ARHGEF10L: variants seen among roughly 807,000 people sequenced by gnomAD.
The protein encoded by ARHGEF10L is Rho guanine nucleotide exchange factor 10 like.
Under a neutral mutation model 141.2 loss-of-function variants are expected in ARHGEF10L, and 69 were observed. That is an observed-to-expected ratio of 0.49 (90% CI 0.40 to 0.60). ARHGEF10L has a LOEUF of 0.60. Among genes scored for constraint, ARHGEF10L ranks in the 20% least tolerant of loss-of-function variants. ARHGEF10L has a pLI of 0.00. For missense variants in ARHGEF10L, 1,482 were observed against 1,734.3 expected (o/e 0.85, Z 2.58); for synonymous variants, 711 against 718.5 (o/e 0.99, Z 0.17).
chr1:17,684,383 G>A (rs1319162050), intron 26 of ARHGEF10L, among the ~76,000 whole-genome samples: 2 of 152,218 alleles, frequency 1.3e-5, no homozygotes, highest in African/African-American at 2.4e-5. Flanking sequence ...GGGCTAGAGA[G>A]ATGGGGGCAT....
Position 17,648,466 on chromosome 1 carries a change from T to C in ARHGEF10L, c.2273-88T>C, listed in dbSNP as rs2061723946. 5.9e-6 allele frequency: 9 copies of C among 1,537,904 alleles called. No individual in the cohort carries two copies. In the South Asian group the frequency reaches 1.1e-4, roughly 19 times the overall value. On this transcript the variant is annotated intron_variant, in intron 21 of 28. Coordinates refer to ENST00000361221, the MANE Select transcript of ARHGEF10L (RefSeq NM_018125.4). ...GGGGCCAGGCTTCTGGGGCCTGCAG[T>C]GGCTCCCTGGGGCTTGGAGGGCTCC...
intron 6 of ARHGEF10L, among the ~76,000 whole-genome samples, chr1:17,606,334 C>T (rs1263309272): frequency 6.6e-6 from 1 of 151,640 alleles, no homozygotes; most frequent in Non-Finnish European, 1.5e-5. Context: ...CTCTCTGTCA[C>T]CCAGGCTGGA....
intron 25 of ARHGEF10L, among the ~76,000 whole-genome samples, chr1:17,657,088 C>T (rs773125115): frequency 3.3e-5 from 5 of 152,254 alleles, no homozygotes; most frequent in South Asian, 2.1e-4. Flanking sequence ...GGGCAGTGCC[C>T]ACCACTCATG....
intron 27 of ARHGEF10L, chr1:17,693,954 C>T (rs1281507547): frequency 6.6e-6 from 1 of 152,222 alleles, no homozygotes. Context: ...GAGGGTCTGT[C>T]CCTGAGCCGG....
rs1023193345 is a variant in ARHGEF10L at position 17,587,489 on chromosome 1, C to T, written c.67C>T (p.Pro23Ser). Residue 23 changes from proline (P) to serine (S), a missense_variant, in exon 3 of 29, where the codon CCC becomes TCC. Pro to Ser is a moderately conservative substitution (Grantham distance 74, BLOSUM62 -1). Transcript: ENST00000361221. ...GDQLVPGVPG[P>S]SSEAEDDPGE... ...TCAGCTGGTTCCAGGAGTCCCAGGC[C>T]CCTCCTCTGAGGCAGAGGACGACCC... is the stretch of plus-strand genomic sequence containing the variant. 2.5e-6 allele frequency: 4 copies of T among 1,613,988 alleles called. No individual in the cohort carries two copies. The highest frequency in any genetic ancestry group is 1.1e-5 in the South Asian group (1 of 91,054).
At chr1:17,674,059 C>T (rs1558001280) in intron 26 of ARHGEF10L, among the ~76,000 whole-genome samples, 2 of 152,244 alleles carry the variant, frequency 1.3e-5, no homozygotes, top group Non-Finnish European at 2.9e-5. Context: ...ATCCTCCCTC[C>T]AGATGGCAAA....
the ARHGEF10L span, among the ~76,000 whole-genome samples, chr1:17,519,166 A>G: frequency 2.0e-5 from 3 of 149,616 alleles, no homozygotes; most frequent in Non-Finnish European, 4.5e-5. Flanking sequence ...CAAGAGTGAA[A>G]CTCTGTCTAA....
chr1:17,689,758 G>A (rs776042662), intron 27 of ARHGEF10L: 207 of 455,152 alleles, frequency 4.5e-4, no homozygotes, highest in Admixed American at 1.7e-3. Flanking sequence ...TCAAGTTAGT[G>A]GAACAATGAA....
rs2080892426 is a variant in ARHGEF10L, at chr1:17,603,520, C to T, written c.362C>T (p.Thr121Ile). The T allele has an allele frequency of 1.2e-6, 2 of 1,613,662 alleles. No individual in the cohort carries two copies. Among genetic ancestry groups the T allele is most frequent in the South Asian group, 1.1e-5 (1 of 90,912 alleles). Residue 121 changes from threonine to isoleucine, a missense_variant, in exon 6 of 29, where the codon ACT becomes ATT. Physicochemically the swap from Thr to Ile is moderately conservative, Grantham distance 89 (BLOSUM62 -1). Transcript: ENST00000361221. The surrounding 1 kb of genome is among the most constrained non-coding windows in gnomAD (Gnocchi z 4.8). ...RKSSRRIDRF[T>I]FPALEEDVIY... ...ACTTCCCTCCCAGTTGACCGGTTCA[C>T]TTTCCCCGCCCTGGAAGAGGATGTG...
chr1:17,522,243 G>C, the ARHGEF10L span, among the ~76,000 whole-genome samples: 2 of 152,196 alleles, frequency 1.3e-5, no homozygotes. Context: ...ACCCCACCTT[G>C]CCCGTCTATT....
rs2065422887 is a variant in ARHGEF10L, at chr1:17,695,373, G to A, written c.3307+93G>A. The A allele has an allele frequency of 1.8e-5, 27 of 1,463,958 alleles. 1 individual carries two copies. The highest frequency in any genetic ancestry group is 1.4e-4 in the South Asian group (10 of 71,594). The allele number at this position is 1,463,958 out of a possible 1,614,324, so 90.7% of individuals were successfully genotyped here. Reference sequence around the variant, plus strand: ...GGGGAGGGTGTATTATGCCCTCATTGGTATAGGGATGGGGTTCCAGTCTCC... The same window carrying A: ...GGGGAGGGTGTATTATGCCCTCATTAGTATAGGGATGGGGTTCCAGTCTCC... On this transcript the variant is annotated intron_variant, in intron 28 of 28. Transcript: ENST00000361221.
In ARHGEF10L at chr1:17,687,582, G is replaced by A. The variant is rs1238254004; in HGVS notation, c.3019G>A (p.Glu1007Lys). The A allele has an allele frequency of 8.7e-6, 14 of 1,612,988 alleles. No individual in the cohort carries two copies. Among genetic ancestry groups the A allele is most frequent in the South Asian group, 2.2e-5 (2 of 91,076 alleles). ...TCCCTTTGTGCCACAGCAAAGCTTC[G>A]AGGCGCACCAGGACGAGGCAGTGAG... ...ATTLQPQQSF[E>K]AHQDEAVSVT... The change falls in exon 27 of 29, where the codon GAG becomes AAG. Residue 1007 changes from glutamate to lysine, a missense_variant. Glu to Lys is a moderately conservative substitution (Grantham distance 56). This residue lies in a region of ARHGEF10L where 858 missense variants were observed against 966.3 expected (regional missense o/e 0.89). Coordinates refer to ENST00000361221, the MANE Select transcript of ARHGEF10L (RefSeq NM_018125.4).
In ARHGEF10L at chr1:17,616,096, G is replaced by T; in HGVS notation, c.729G>T (p.Met243Ile). The T allele has an allele frequency of 6.2e-7, 1 of 1,613,570 alleles. No homozygotes were observed. Among genetic ancestry groups the T allele is most frequent in the South Asian group, 1.1e-5 (1 of 91,072 alleles). The change falls in exon 9 of 29, where the codon ATG becomes ATT. Residue 243 changes from methionine (M) to isoleucine (I), a missense_variant and splice_region_variant. Coordinates refer to ENST00000361221, the MANE Select transcript of ARHGEF10L (RefSeq NM_018125.4). ...QELKHKYDCK[M>I]TQLMKAAKSG... Reference sequence around the variant, plus strand: ...TGAGCCTCTCTACCTTTGCTCAGATGACCCAGCTCATGAAGGCCGCCAAGA... The same window carrying T: ...TGAGCCTCTCTACCTTTGCTCAGATTACCCAGCTCATGAAGGCCGCCAAGA...
At position 17,542,090 on chromosome 1, in the gene ARHGEF10L, G is replaced by A. The variant is rs539090234; in HGVS notation, c.-44+2140G>A. On this transcript the variant is annotated intron_variant, in intron 1 of 28. Transcript: ENST00000361221. The stretch of plus-strand genomic sequence containing the variant: ...GGAGGCGGAGGTTACAGTGAACCAA[G>A]ATTGTGCCACTGCACTCCAGCCTGG... 3.9e-5 allele frequency among the ~76,000 whole-genome samples: 6 copies of A among 152,078 alleles called. No homozygotes were observed. The South Asian group carries it at 6.2e-4, about 16-fold the overall frequency.
the ARHGEF10L span, among the ~76,000 whole-genome samples, chr1:17,521,361 T>C: frequency 2.7e-4 from 41 of 152,122 alleles, no homozygotes; most frequent in East Asian, 9.6e-4. Context: ...CACGCCCGGC[T>C]AATTTTGTAT....
chr1:17,547,479 C>A (rs2076958088), intron 1 of ARHGEF10L, among the ~76,000 whole-genome samples: 1 of 152,188 alleles, frequency 6.6e-6, no homozygotes. Flanking sequence ...TCCCAGAATC[C>A]CGGCCATTAG....
At chr1:17,592,132 C>T (rs1245634922) in intron 4 of ARHGEF10L, among the ~76,000 whole-genome samples, 2 of 152,168 alleles carry the variant, frequency 1.3e-5, no homozygotes, top group Admixed American at 1.3e-4. Flanking sequence ...CCTGAGTACC[C>T]AGCAGTGCCT....
intron 27 of ARHGEF10L, among the ~76,000 whole-genome samples, chr1:17,689,150 G>C (rs1461608490): frequency 6.6e-6 from 1 of 152,050 alleles, no homozygotes; most frequent in Non-Finnish European, 1.5e-5. Context: ...AGTCACATCA[G>C]GCCGGACTCA....
chr1:17,678,185 G>C (rs760983096), intron 26 of ARHGEF10L, among the ~76,000 whole-genome samples: 1 of 152,224 alleles, frequency 6.6e-6, no homozygotes, highest in Non-Finnish European at 1.5e-5. Flanking sequence ...CCAAGGGTAA[G>C]ACTCGCAGCA....
Sources: allele counts gnomAD v4.1 joint callset (sites outside exome capture counted in the v4.1 genomes callset), GRCh38; gene constraint gnomAD v4.1.1; regional missense constraint gnomAD v4.1.1; non-coding constraint Gnocchi (gnomAD v3.1); transcripts MANE v1.5; gene names NCBI Gene and HGNC (gene_info 2026-07-23, HGNC 2026-07-21).